Variants in CLOCK observed in about 807,000 individuals in gnomAD.
CLOCK encodes clock circadian regulator.
A neutral mutation model predicts 118.4 loss-of-function variants in CLOCK; 43 were observed. The ratio of observed to expected loss-of-function variants is 0.36; its 90% confidence interval spans 0.28 to 0.47. The LOEUF (loss-of-function observed/expected upper bound fraction) is 0.47, where lower values mean the gene tolerates loss of function less well. CLOCK is among the 20% of genes least tolerant of loss of function. The pLI is 1.00. For synonymous variants in CLOCK, 326 were observed against 339.2 expected, an observed-to-expected ratio of 0.96 and a Z score of 0.43; for missense variants, 846 against 999.9, an observed-to-expected ratio of 0.85 and a Z score of 2.08.
At chr4:55,545,067 C>CT (rs966722411) in intron 1 of CLOCK, among the ~76,000 whole-genome samples, 1 of 86,424 alleles carries the variant, frequency 1.2e-5, no homozygotes, top group African/African-American at 3.5e-5. Context: ...TTTTTTTTTA[C>CT]TTTTTTTATT....
chr4:55,524,823 C>A (rs1730068493), intron 1 of CLOCK, among the ~76,000 whole-genome samples: 1 of 151,944 alleles, frequency 6.6e-6, no homozygotes, highest in Non-Finnish European at 1.5e-5. Flanking sequence ...ATGAAAATTT[C>A]TAAATTCTCA....
chr4:55,438,633 A>G (rs1723090825), intron 21 of CLOCK, 96 bp from the exon 22 acceptor site: 17 of 1,569,764 alleles, frequency 1.1e-5, no homozygotes, highest in South Asian at 2.3e-5. Context: ...ATAATACCCA[A>G]TGACATTGCC....
At chr4:55,539,727 A>G (rs1731138696) in intron 1 of CLOCK, among the ~76,000 whole-genome samples, 1 of 152,152 alleles carries the variant, frequency 6.6e-6, no homozygotes, top group African/African-American at 2.4e-5. Flanking sequence ...AAACAACTTC[A>G]ATGTCCAACA....
intron 18 of CLOCK, among the ~76,000 whole-genome samples, chr4:55,446,101 C>CTTCTTTTT (rs1553890777): frequency 9.3e-6 from 1 of 107,372 alleles, no homozygotes; most frequent in Non-Finnish European, 1.9e-5. Context: ...AATTTAACTT[C>CTTCTTTTT]TTTTTTTTTT....
intron 2 of CLOCK, among the ~76,000 whole-genome samples, chr4:55,498,591 T>C (rs549191040): frequency 4.5e-5 from 6 of 132,044 alleles, no homozygotes; most frequent in Non-Finnish European, 9.4e-5. Flanking sequence ...AAAAAATTGA[T>C]CTATCTAGTT....
intron 9 of CLOCK, among the ~76,000 whole-genome samples, chr4:55,462,431 CA>C (rs1725409473): frequency 6.6e-6 from 1 of 152,138 alleles, no homozygotes; most frequent in African/African-American, 2.4e-5. Context: ...GGACTACAGG[CA>C]TGCACCACCA....
intron 1 of CLOCK, among the ~76,000 whole-genome samples, chr4:55,512,946 G>A (rs1729259540): frequency 6.6e-6 from 1 of 152,122 alleles, no homozygotes; most frequent in Non-Finnish European, 1.5e-5. Flanking sequence ...ATATGGAGCT[G>A]AAAAATTCCT....
At chr4:55,517,077 A>G (rs1729562515) in intron 1 of CLOCK, among the ~76,000 whole-genome samples, 1 of 152,214 alleles carries the variant, frequency 6.6e-6, no homozygotes, top group South Asian at 2.1e-4. Flanking sequence ...TACACTGTTG[A>G]TAACATTATT....
intron 1 of CLOCK, among the ~76,000 whole-genome samples, chr4:55,510,784 G>C (rs968472707): frequency 6.6e-6 from 1 of 152,106 alleles, no homozygotes; most frequent in Non-Finnish European, 1.5e-5. Flanking sequence ...AGGTGTAGGT[G>C]AAAATATGAC....
Position 55,447,738 on chromosome 4 carries a change from CTTAAA to C in CLOCK, c.1539+1036_1539+1040del, listed in dbSNP as rs563282289. On this transcript the variant is annotated intron_variant, in intron 18 of 22. Transcript: ENST00000513440. The stretch of plus-strand genomic sequence containing the variant: ...TGTATCTCCTATCATATATGTATGA[CTTAAA>C]TTAAATAACCATATAAGATGGAGCT... Among the ~76,000 whole-genome samples the C allele has an allele frequency of 4.0e-3, 603 of 152,176 alleles. 3 individuals are homozygous for C. The highest frequency in any genetic ancestry group is 0.014 in the African/African-American group (569 of 41,524).
At position 55,463,881 on chromosome 4, in the gene CLOCK, A is replaced by G; in HGVS notation, c.439-76T>C. The G allele has an allele frequency of 2.2e-6, 3 of 1,387,056 alleles. No homozygotes were observed. The Admixed American group carries it at 6.2e-5, about 29-fold the overall frequency. The allele number at this position is 1,387,056 out of a possible 1,614,324, so 85.9% of individuals were successfully genotyped here. A position where few individuals can be genotyped will look rare whatever the true frequency, so the allele number is the denominator to read the frequency against. On this transcript the variant is annotated intron_variant, in intron 8 of 22. Transcript: ENST00000513440. ...ATTGCTTTAAAAGTACATAATCGCT[A>G]TTAAACACAGCAGTTAACTTTCAAT...
intron 2 of CLOCK, among the ~76,000 whole-genome samples, chr4:55,498,948 A>C (rs62303730): frequency 0.23 from 34,278 of 151,666 alleles, 4,489 homozygotes; most frequent in South Asian, 0.37. Context: ...AAGCTCACTG[A>C]CTCTTCTGTC....
rs1315731756 is a variant in CLOCK, at chr4:55,433,123, A to G, written c.*2292T>C. The G allele has an allele frequency of 6.6e-6, 1 of 152,644 alleles. No individual in the cohort carries two copies. The highest frequency in any genetic ancestry group is 1.5e-5 in the Non-Finnish European group (1 of 68,050). The allele number at this position is 152,644 out of a possible 1,614,324, so 9.5% of individuals were successfully genotyped here. On this transcript the variant is annotated 3_prime_UTR_variant, in exon 23 of 23. Coordinates refer to ENST00000513440, the MANE Select transcript of CLOCK (RefSeq NM_004898.4). ...ATATATGGAATGGCATAAGGTCAAGAAAGGCAATTTGAAAGGGGAGAAGAA... is the reference window on the plus strand; with the variant it reads ...ATATATGGAATGGCATAAGGTCAAGGAAGGCAATTTGAAAGGGGAGAAGAA...
At chr4:55,468,524 T>C (rs1164826089) in intron 8 of CLOCK, among the ~76,000 whole-genome samples, 3 of 152,212 alleles carry the variant, frequency 2.0e-5, no homozygotes, top group Admixed American at 6.5e-5. Flanking sequence ...GTCATATAGA[T>C]AATGAATTAA....
intron 1 of CLOCK, among the ~76,000 whole-genome samples, chr4:55,522,886 T>C (rs1478593905): frequency 6.6e-6 from 1 of 152,168 alleles, no homozygotes. Context: ...AATATGGTCA[T>C]ATAAAAAAGA....
At chr4:55,484,851 T>C (rs915772716) in intron 3 of CLOCK, among the ~76,000 whole-genome samples, 6 of 152,190 alleles carry the variant, frequency 3.9e-5, no homozygotes, top group African/African-American at 1.4e-4. Context: ...GTGAATCCAA[T>C]ATAGTTTAGA....
intron 13 of CLOCK, among the ~76,000 whole-genome samples, chr4:55,455,347 A>G (rs371904644): frequency 5.3e-5 from 8 of 152,216 alleles, no homozygotes; most frequent in African/African-American, 1.9e-4. Context: ...CAGCTTACTC[A>G]TGAAGATAAT....
intron 21 of CLOCK, among the ~76,000 whole-genome samples, chr4:55,441,790 G>A (rs548642450): frequency 1.3e-5 from 2 of 152,146 alleles, no homozygotes; most frequent in Non-Finnish European, 2.9e-5. Flanking sequence ...CAGGTGATCA[G>A]TGCACTAAAA....
intron 1 of CLOCK, among the ~76,000 whole-genome samples, chr4:55,526,379 T>C (rs988206468): frequency 1.3e-5 from 2 of 152,186 alleles, no homozygotes; most frequent in African/African-American, 4.8e-5. Flanking sequence ...TGTCACCAAC[T>C]GAATTCACTG....
Sources: allele counts gnomAD v4.1 joint callset (sites outside exome capture counted in the v4.1 genomes callset), GRCh38; gene constraint gnomAD v4.1.1; transcripts MANE v1.5; gene names NCBI Gene and HGNC (gene_info 2026-07-23, HGNC 2026-07-21).